The following TLR8 variants were observed in gnomAD, a reference collection of about 807,000 sequenced individuals.
TLR8 encodes the protein toll-like receptor 8.
Under a neutral mutation model 18.5 loss-of-function variants are expected in TLR8, and 5 were observed. That is an observed-to-expected ratio of 0.27 (90% CI 0.14 to 0.57). The LOEUF is 0.57. TLR8 is among the 20% of genes least tolerant of loss of function. The pLI, the probability that TLR8 is intolerant of heterozygous loss-of-function variation, is 0.92. For synonymous variants in TLR8, 299 were observed against 300.1 expected (o/e 1.00, Z 0.04); for missense variants, 543 against 769.8 (o/e 0.71, Z 3.49).
intron 1 of TLR8, among the ~76,000 whole-genome samples, chrX:12,915,957 C>T (rs1201157185): frequency 1.8e-5 from 2 of 110,463 alleles, no homozygotes; most frequent in African/African-American, 6.6e-5. Context: ...TCCTGGCTCA[C>T]CACAACCTCT....
chrX:12,914,982 TAA>T (rs1212142475), intron 1 of TLR8, among the ~76,000 whole-genome samples: 2 of 111,766 alleles, frequency 1.8e-5, no homozygotes, highest in Admixed American at 9.5e-5. Context: ...TGAAAATCAC[TAA>T]GAGAGTCCAT....
At chrX:12,914,273 A>G (rs2043039753) in intron 1 of TLR8, among the ~76,000 whole-genome samples, 1 of 112,074 alleles carries the variant, frequency 8.9e-6, no homozygotes, top group East Asian at 2.8e-4. Flanking sequence ...ATCATAAAAA[A>G]TTACTAGGAA....
chrX:12,919,875 G>C lies in TLR8; in HGVS notation c.835G>C (p.Asp279His), dbSNP rs762391594. The C allele has an allele frequency of 1.7e-6, 2 of 1,211,448 alleles. No homozygotes were observed. Among genetic ancestry groups the C allele is most frequent in the East Asian group, 5.9e-5 (2 of 33,850 alleles). ...PCDGGASINIDRFAFQNLTQL... is the reference protein window; with the variant it reads ...PCDGGASINIHRFAFQNLTQL... ...TGATGGTGGTGCTTCAATTAATATA[G>C]ATCGTTTTGCTTTTCAAAACTTGAC... Residue 279 changes from aspartate to histidine, a missense_variant, in exon 2 of 2, where the codon GAT becomes CAT. Physicochemically the swap from Asp to His is moderately conservative, Grantham distance 81. This residue lies in a region of TLR8 where 185 missense variants were observed against 298.9 expected (regional missense o/e 0.62). Coordinates refer to ENST00000218032, the MANE Select transcript of TLR8 (RefSeq NM_138636.5).
intron 1 of TLR8, among the ~76,000 whole-genome samples, chrX:12,912,702 C>G (rs1422774814): frequency 8.9e-6 from 1 of 112,896 alleles, no homozygotes; most frequent in Non-Finnish European, 1.9e-5. Context: ...GGGAGGGCAG[C>G]ATTAGAAACC....
At chrX:12,916,533 C>A (rs907716932) in intron 1 of TLR8, among the ~76,000 whole-genome samples, 2 of 112,057 alleles carry the variant, frequency 1.8e-5, no homozygotes, top group Non-Finnish European at 3.8e-5. Flanking sequence ...GCCTGTGTCT[C>A]CCGGTACAGA....
chrX:12,916,239 G>C (rs779654773), intron 1 of TLR8, among the ~76,000 whole-genome samples: 4 of 111,720 alleles, frequency 3.6e-5, no homozygotes, highest in South Asian at 7.5e-4. Flanking sequence ...TTTTATCACA[G>C]TGTAAACCTT....
intron 1 of TLR8, 54 bp from the exon 2 acceptor site, chrX:12,918,990 A>C: frequency 8.8e-7 from 1 of 1,141,487 alleles, no homozygotes; most frequent in East Asian, 3.0e-5. Flanking sequence ...TTTACAAAAC[A>C]CCTGGCAAAT....
chrX:12,912,812 C>T (rs1022915641), intron 1 of TLR8, among the ~76,000 whole-genome samples: 1 of 112,627 alleles, frequency 8.9e-6, no homozygotes, highest in African/African-American at 3.2e-5. Flanking sequence ...AGGCTATTTT[C>T]ATCCCGAAAG....
In TLR8 at chrX:12,910,162, G is replaced by A. The variant is rs893183071; in HGVS notation, c.3+3453G>A. Reference sequence around the variant, plus strand: ...TCATCATGTATCAGTGGTCAACATTGTTAACTGCGAATGAATCAGAATCCA... The same window carrying A: ...TCATCATGTATCAGTGGTCAACATTATTAACTGCGAATGAATCAGAATCCA... On this transcript the variant is annotated intron_variant, in intron 1 of 1. Coordinates refer to ENST00000218032, the MANE Select transcript of TLR8 (RefSeq NM_138636.5). 1.1e-5 allele frequency: 5 copies of A among 462,413 alleles called. No individual in the cohort carries two copies. The Admixed American group carries it at 2.5e-4, about 23-fold the overall frequency. The allele number at this position is 462,413 out of a possible 1,213,427, so 38.1% of individuals were successfully genotyped here. A position where few individuals can be genotyped will look rare whatever the true frequency, so the allele number is the denominator to read the frequency against.
Position 12,907,503 on chromosome X carries a change from T to C in TLR8, c.3+794T>C, listed in dbSNP as rs761606382. Among the ~76,000 whole-genome samples the C allele has an allele frequency of 9.8e-5, 11 of 112,239 alleles. No individual in the cohort carries two copies. In the South Asian group the frequency reaches 4.1e-3, roughly 41 times the overall value. On this transcript the variant is annotated intron_variant, in intron 1 of 1. Transcript: ENST00000218032. ...TACTATATATTTTTCCCCAAAGTCC[T>C]TGGAGTTAATTTTGACAACAATTTA...
At position 12,922,482 on chromosome X, in the gene TLR8, G is replaced by A. The variant is rs1325854242; in HGVS notation, c.*316G>A. The A allele has an allele frequency of 2.0e-5, 4 of 203,845 alleles. No individual in the cohort carries two copies. The highest frequency in any genetic ancestry group is 7.1e-5 in the Admixed American group (1 of 14,145). The allele number at this position is 203,845 out of a possible 1,213,427, so 16.8% of individuals were successfully genotyped here. A position where few individuals can be genotyped will look rare whatever the true frequency, so the allele number is the denominator to read the frequency against. On this transcript the variant is annotated 3_prime_UTR_variant, in exon 2 of 2. Transcript: ENST00000218032. ...AAGGCTATACTCATGTAAGCCATGC[G>A]AGCCTCTCCCACAAGGCAGCTTGCT...
At chrX:12,912,976 A>G (rs2043031530) in intron 1 of TLR8, among the ~76,000 whole-genome samples, 1 of 112,067 alleles carries the variant, frequency 8.9e-6, no homozygotes, top group East Asian at 2.8e-4. Flanking sequence ...CACAAGATGG[A>G]TCCTCTGGAC....
In TLR8 at chrX:12,922,268, T is replaced by C. The variant is rs757486586; in HGVS notation, c.*102T>C. On this transcript the variant is annotated 3_prime_UTR_variant, in exon 2 of 2. Transcript: ENST00000218032. Reference sequence around the variant, plus strand: ...TGTAACAAATTATCCCAAAACTTAGTGGTTTAAAACAACACATTTGCTGGC... The same window carrying C: ...TGTAACAAATTATCCCAAAACTTAGCGGTTTAAAACAACACATTTGCTGGC... 9.5e-7 allele frequency: 1 copy of C among 1,055,143 alleles called. No homozygotes were observed. Among genetic ancestry groups the C allele is most frequent in the Non-Finnish European group, 1.3e-6 (1 of 794,452 alleles). The allele number at this position is 1,055,143 out of a possible 1,213,427, so 87.0% of individuals were successfully genotyped here.
At position 12,921,472 on chromosome X, in the gene TLR8, G is replaced by T; in HGVS notation, c.2432G>T (p.Gly811Val). The T allele has an allele frequency of 4.1e-6, 5 of 1,211,599 alleles. No homozygotes were observed. Among genetic ancestry groups the T allele is most frequent in the Non-Finnish European group, 5.6e-6 (5 of 895,377 alleles). ...VICASPGDQR[G>V]KSIVSLELTT... The stretch of plus-strand genomic sequence containing the variant: ...TGTGCCAGTCCTGGGGATCAAAGAG[G>T]GAAGAGTATTGTGAGTCTGGAGCTA... Residue 811 changes from glycine (G) to valine (V), a missense_variant, in exon 2 of 2, where the codon GGG becomes GTG. Gly to Val is a moderately radical substitution (Grantham distance 109, BLOSUM62 -3). Around this residue, in one of 4 missense-constraint regions of TLR8, gnomAD observed 227 missense variants for 312.9 expected, o/e 0.73. Transcript: ENST00000218032.
At chrX:12,918,211 T>C (rs1255881660) in intron 1 of TLR8, among the ~76,000 whole-genome samples, 1 of 111,420 alleles carries the variant, frequency 9.0e-6, no homozygotes, top group African/African-American at 3.3e-5. Flanking sequence ...CATAGAAGTA[T>C]AGAACAATTG....
intron 1 of TLR8, among the ~76,000 whole-genome samples, chrX:12,913,095 C>A (rs1308081434): frequency 9.0e-6 from 1 of 111,507 alleles, no homozygotes; most frequent in Non-Finnish European, 1.9e-5. Context: ...CTCCTTGGGC[C>A]TTTTTAAAAA....
chrX:12,910,962 T>C (rs1251577602), intron 1 of TLR8, among the ~76,000 whole-genome samples: 5 of 111,121 alleles, frequency 4.5e-5, no homozygotes, highest in African/African-American at 1.6e-4. Context: ...CTTTTTTTTT[T>C]CATGATTCAT....
chrX:12,907,221 G>C (rs889718970), intron 1 of TLR8, among the ~76,000 whole-genome samples: 4 of 112,172 alleles, frequency 3.6e-5, no homozygotes, highest in Non-Finnish European at 5.6e-5. Context: ...TACTTTTCTT[G>C]GTCAGAGTTT....
At chrX:12,915,880 C>CT (rs113733877) in intron 1 of TLR8, among the ~76,000 whole-genome samples, 3,158 of 104,648 alleles carry the variant, frequency 0.03, 120 homozygotes, top group African/African-American at 0.1. Context: ...GGTTTCACTC[C>CT]TTTTTTTTTT....
Sources: allele counts gnomAD v4.1 joint callset (sites outside exome capture counted in the v4.1 genomes callset), GRCh38; gene constraint gnomAD v4.1.1; regional missense constraint gnomAD v4.1.1; transcripts MANE v1.5; gene names NCBI Gene and HGNC (gene_info 2026-07-23, HGNC 2026-07-21).